Variants in GMIP observed in about 807,000 individuals in gnomAD.
GMIP encodes GEM-interacting protein.
A neutral mutation model predicts 105.3 loss-of-function variants in GMIP; 54 were observed. That is an observed-to-expected ratio of 0.51 (90% CI 0.41 to 0.64). The LOEUF is 0.64. GMIP is among the 30% of genes least tolerant of loss of function. GMIP has a pLI of 0.00. For missense variants in GMIP, 1,110 were observed against 1,319.4 expected (o/e 0.84, Z 2.46); for synonymous variants, 541 against 560.8 (o/e 0.96, Z 0.50).
Position 19,637,104 on chromosome 19 carries a change from A to T in GMIP, c.1125-75T>A. 4.1e-6 allele frequency: 4 copies of T among 974,670 alleles called. No individual in the cohort carries two copies. The South Asian group carries it at 5.8e-5, about 14-fold the overall frequency. The allele number at this position is 974,670 out of a possible 1,614,324, so 60.4% of individuals were successfully genotyped here. A position where few individuals can be genotyped will look rare whatever the true frequency, so the allele number is the denominator to read the frequency against. ...GTGATGGCACCCAGGCATCATGTCT[A>T]GGTACCAACTCCAAGCACTTGGGTC... On this transcript the variant is annotated intron_variant, in intron 11 of 20. Coordinates refer to ENST00000203556, the MANE Select transcript of GMIP (RefSeq NM_016573.4). This position sits in a 1 kb window ranked among gnomAD's most constrained non-coding sequence, Gnocchi z 6.7.
chr19:19,642,490 G>T, intron 2 of GMIP, 45 bp downstream of exon 2: 1 of 1,223,726 alleles, frequency 8.2e-7, no homozygotes, highest in Non-Finnish European at 1.2e-6. Flanking sequence ...TTAGGGGCTT[G>T]GGGCATCTTG....
chr19:19,641,533 C>G (rs1458443705), intron 4 of GMIP, among the ~76,000 whole-genome samples: 1 of 152,202 alleles, frequency 6.6e-6, no homozygotes, highest in African/African-American at 2.4e-5. Flanking sequence ...CACACACCAC[C>G]ACACCCAGCT....
chr19:19,643,152 G>A (rs2061941628), intron 1 of GMIP: 1 of 288,320 alleles, frequency 3.5e-6, no homozygotes. Flanking sequence ...GACCAGCACT[G>A]CCGACTCCCC....
In GMIP at chr19:19,637,414, G is replaced by A. The variant is rs1217624305; in HGVS notation, c.1075C>T (p.Pro359Ser). Residue 359 changes from proline (P) to serine (S), a missense_variant, in exon 11 of 21, where the codon CCC (proline) becomes TCC (serine). Physicochemically the swap from Pro to Ser is moderately conservative, Grantham distance 74. Around this residue, in one of 3 missense-constraint regions of GMIP, gnomAD observed 667 missense variants for 773.2 expected, o/e 0.86. Transcript: ENST00000203556. The surrounding 1 kb of genome is among the most constrained non-coding windows in gnomAD (Gnocchi z 6.7). Reference protein sequence around the residue: ...VRALRPEAPPPPPPAFSFQEF... With the variant: ...VRALRPEAPPSPPPAFSFQEF... ...TGGAAGGAGAAGGCGGGCGGCGGGG[G>A]CGGCGGGGCCTCGGGCCGCAGCGCC... 1.3e-6 allele frequency: 2 copies of A among 1,494,538 alleles called. No individual in the cohort carries two copies. The highest frequency in any genetic ancestry group is 1.8e-6 in the Non-Finnish European group (2 of 1,129,960). The allele number at this position is 1,494,538 out of a possible 1,614,324, so 92.6% of individuals were successfully genotyped here. A position where few individuals can be genotyped will look rare whatever the true frequency, so the allele number is the denominator to read the frequency against.
At chr19:19,632,227 G>C (rs1490365808) in intron 19 of GMIP, among the ~76,000 whole-genome samples, 1 of 152,094 alleles carries the variant, frequency 6.6e-6, no homozygotes, top group Non-Finnish European at 1.5e-5. Flanking sequence ...CCAGGAGGTG[G>C]AGGTTACGGT....
At position 19,637,551 on chromosome 19, in the gene GMIP, C is replaced by T; in HGVS notation, c.938G>A (p.Ser313Asn). 1 of 1,527,312 alleles carries T rather than the reference C, an allele frequency of 6.5e-7. No homozygotes were observed. The highest frequency in any genetic ancestry group is 8.8e-7 in the Non-Finnish European group (1 of 1,142,012). 94.6% of individuals were successfully genotyped at this position (1,527,312 alleles called of 1,614,324 possible). The change falls in exon 11 of 21, where the codon AGT (serine) becomes AAT (asparagine). Residue 313 changes from serine (S) to asparagine (N), a missense_variant. Physicochemically the swap from Ser to Asn is conservative, Grantham distance 46 (BLOSUM62 1). Coordinates refer to ENST00000203556, the MANE Select transcript of GMIP (RefSeq NM_016573.4). The surrounding 1 kb of genome is among the most constrained non-coding windows in gnomAD (Gnocchi z 6.7). ...GDEVLRRVTL[S>N]LFGLRGAQAE... ...CTGCGCCCCCCGCAGCCCGAAGAGA[C>T]TCAGCGTCACCTGCCGGGTGGAGAC...
Position 19,636,771 on chromosome 19 carries a change from G to A in GMIP, c.1263C>T (p.Ser421=), listed in dbSNP as rs754376316. 5.0e-6 allele frequency: 8 copies of A among 1,612,582 alleles called. No homozygotes were observed. Among genetic ancestry groups the A allele is most frequent in the East Asian group, 2.2e-5 (1 of 44,856 alleles). ...WQGTPGPTPG[S]DVDSVGGGSE... ...TGCCGCCACCCACGCTGTCCACATC[G>A]CTGCCCGGAGTGGGGCCTGGAGTCC... The change falls in exon 13 of 21, where the codon AGC becomes AGT. Residue 421 remains serine (S), a synonymous_variant. Transcript: ENST00000203556.
Position 19,634,622 on chromosome 19 carries a change from C to A in GMIP, c.1969G>T (p.Asp657Tyr). 6.2e-7 allele frequency: 1 copy of A among 1,613,402 alleles called. No homozygotes were observed. Among genetic ancestry groups the A allele is most frequent in the African/African-American group, 1.3e-5 (1 of 74,988 alleles). ...GGGCTGGGGCTGGGGGTCCCAGGGT[C>A]GTCCCCAGGGTCTGCATGCAAGGTC... ...AKTLHADPGDDPGTPSPSPEV... is the reference protein window; with the variant it reads ...AKTLHADPGDYPGTPSPSPEV... The change falls in exon 18 of 21, where the codon GAC becomes TAC. Residue 657 changes from aspartate to tyrosine, a missense_variant. By Grantham distance (160) the Asp-to-Tyr change is radical (BLOSUM62 -3). Around this residue, in one of 3 missense-constraint regions of GMIP, gnomAD observed 394 missense variants for 450.5 expected, o/e 0.87. Coordinates refer to ENST00000203556, the MANE Select transcript of GMIP (RefSeq NM_016573.4). The surrounding 1 kb of genome is among the most constrained non-coding windows in gnomAD (Gnocchi z 6.1).
In GMIP at chr19:19,634,185, G is replaced by A; in HGVS notation, c.2090C>T (p.Ala697Val). ...RHLVAHLFRV[A>V]ARFMENKMSA... ...CATCTTGTTTTCCATAAATCGTGCA[G>A]CCACCCTGGGGATGGTGTGAAGAGA... is the stretch of plus-strand genomic sequence containing the variant. Residue 697 changes from alanine (A) to valine (V), a missense_variant, in exon 19 of 21, where the codon GCT becomes GTT. This residue lies in a region of GMIP where 394 missense variants were observed against 450.5 expected (regional missense o/e 0.87). Coordinates refer to ENST00000203556, the MANE Select transcript of GMIP (RefSeq NM_016573.4). The surrounding 1 kb of genome is among the most constrained non-coding windows in gnomAD (Gnocchi z 6.1). The A allele has an allele frequency of 6.3e-7, 1 of 1,594,474 alleles. No individual in the cohort carries two copies. Among genetic ancestry groups the A allele is most frequent in the South Asian group, 1.1e-5 (1 of 89,442 alleles).
At position 19,635,761 on chromosome 19, in the gene GMIP, G is replaced by A; in HGVS notation, c.1328-40C>T. The A allele has an allele frequency of 6.4e-7, 1 of 1,556,196 alleles. No homozygotes were observed. Among genetic ancestry groups the A allele is most frequent in the Non-Finnish European group, 8.9e-7 (1 of 1,127,930 alleles). ...ATCATGGGAGATTCCTGGGCTATGG[G>A]AGGCACTCCTGGTTTTTAGGGCTTC... is the stretch of plus-strand genomic sequence containing the variant. On this transcript the variant is annotated intron_variant, in intron 13 of 20. Transcript: ENST00000203556. This position sits in a 1 kb window ranked among gnomAD's most constrained non-coding sequence, Gnocchi z 4.7.
chr19:19,637,794 G>GC lies in GMIP; in HGVS notation c.927+125_927+126insG. Reference sequence around the variant, plus strand: ...AGCCGAGACAGTGGGTCTGGGGGCGGGAACTGGCTGTCGAGGGAAATGGCC... The same window carrying GC: ...AGCCGAGACAGTGGGTCTGGGGGCGGCGAACTGGCTGTCGAGGGAAATGGCC... On this transcript the variant is annotated intron_variant, in intron 10 of 20. Coordinates refer to ENST00000203556, the MANE Select transcript of GMIP (RefSeq NM_016573.4). The surrounding 1 kb of genome is among the most constrained non-coding windows in gnomAD (Gnocchi z 6.7). The GC allele has an allele frequency of 9.3e-7, 1 of 1,078,356 alleles. No individual in the cohort carries two copies. Among genetic ancestry groups the GC allele is most frequent in the Non-Finnish European group, 1.3e-6 (1 of 751,392 alleles). 66.8% of individuals were successfully genotyped at this position (1,078,356 alleles called of 1,614,324 possible).
In GMIP at chr19:19,642,011, C is replaced by T; in HGVS notation, c.145G>A (p.Asp49Asn). 1 of 1,613,848 alleles carries T rather than the reference C, an allele frequency of 6.2e-7. No homozygotes were observed. Among genetic ancestry groups the T allele is most frequent in the Non-Finnish European group, 8.5e-7 (1 of 1,179,814 alleles). Residue 49 changes from aspartate (D) to asparagine (N), a missense_variant, in exon 3 of 21, where the codon GAC (aspartate) becomes AAC (asparagine). Asp to Asn is a conservative substitution (Grantham distance 23, BLOSUM62 1). Coordinates refer to ENST00000203556, the MANE Select transcript of GMIP (RefSeq NM_016573.4). ...GTAGGGGTCTTGTCAGGTTCTGGGT[C>T]TTCTGAGAGTAGAGGGTCTCCAGCC... ...MLAGDPLLSEDPEPDKTPTAT... is the reference protein window; with the variant it reads ...MLAGDPLLSENPEPDKTPTAT...
In GMIP at chr19:19,638,231, G is replaced by C; in HGVS notation, c.717C>G (p.Ala239=). The part of the protein sequence containing the change: ...ARSQGSPEDS[A]PQASPGPSKQ... Reference sequence around the variant, plus strand: ...TGCTAGGTCCCGGCGAGGCCTGGGGGGCCGAGTCCTCAGGGGACCCCTGGG... The same window carrying C: ...TGCTAGGTCCCGGCGAGGCCTGGGGCGCCGAGTCCTCAGGGGACCCCTGGG... The change falls in exon 9 of 21, where the codon GCC becomes GCG. Residue 239 remains alanine (A), a synonymous_variant. Transcript: ENST00000203556. The C allele has an allele frequency of 1.2e-6, 2 of 1,600,782 alleles. No individual in the cohort carries two copies. The highest frequency in any genetic ancestry group is 1.7e-6 in the Non-Finnish European group (2 of 1,178,778).
Position 19,643,604 on chromosome 19 carries a change from T to A in GMIP, c.-75A>T. On this transcript the variant is annotated 5_prime_UTR_variant, in exon 1 of 21. Transcript: ENST00000203556. ...CGCGCCGGCGGGGCCGAGCCCCGAT[T>A]TCCTGCCGCCGCAGCCGCCGCCGCC... 3 of 1,348,008 alleles carry A rather than the reference T, an allele frequency of 2.2e-6. No individual in the cohort carries two copies. The highest frequency in any genetic ancestry group is 3.0e-6 in the Non-Finnish European group (3 of 990,806). 83.5% of individuals were successfully genotyped at this position (1,348,008 alleles called of 1,614,324 possible).
In GMIP at chr19:19,638,151, G is replaced by A. The variant is rs1344128823; in HGVS notation, c.789+8C>T. 1 of 1,578,828 alleles carries A rather than the reference G, an allele frequency of 6.3e-7. No homozygotes were observed. The highest frequency in any genetic ancestry group is 1.1e-5 in the South Asian group (1 of 88,914). ...CAGCGCTACAGGGGCTCGGGGCCGGGTGCCCACCTTGGCCTGGGCCTCCTC... is the reference window on the plus strand; with the variant it reads ...CAGCGCTACAGGGGCTCGGGGCCGGATGCCCACCTTGGCCTGGGCCTCCTC... On this transcript the variant is annotated splice_region_variant and intron_variant, in intron 9 of 20. Coordinates refer to ENST00000203556, the MANE Select transcript of GMIP (RefSeq NM_016573.4).
chr19:19,632,354 CT>C (rs2061805452), intron 19 of GMIP, among the ~76,000 whole-genome samples: 1 of 151,960 alleles, frequency 6.6e-6, no homozygotes, highest in Non-Finnish European at 1.5e-5. Context: ...AATCCCAGCA[CT>C]TTGGGAGGCT....
chr19:19,640,676 G>A lies in GMIP; in HGVS notation c.239-105C>T, dbSNP rs1016559544. On this transcript the variant is annotated intron_variant, in intron 4 of 20. Coordinates refer to ENST00000203556, the MANE Select transcript of GMIP (RefSeq NM_016573.4). ...GTGGCACCTGTCCTACAGCCTCACA[G>A]CTCCCCAAACACTACTTTGGGATCA... The A allele has an allele frequency of 3.5e-6, 4 of 1,129,994 alleles. No individual in the cohort carries two copies. In the African/African-American group the frequency reaches 4.6e-5, roughly 13 times the overall value. 70.0% of individuals were successfully genotyped at this position (1,129,994 alleles called of 1,614,324 possible).
intron 7 of GMIP, among the ~76,000 whole-genome samples, chr19:19,639,628 T>C (rs1176305135): frequency 1.3e-5 from 2 of 151,996 alleles, no homozygotes; most frequent in Non-Finnish European, 2.9e-5. Context: ...GTAGGTGGAT[T>C]ACCTGAGGTC....
chr19:19,635,607 C>T lies in GMIP; in HGVS notation c.1405+37G>A. The T allele has an allele frequency of 6.2e-6, 10 of 1,613,760 alleles. No homozygotes were observed. Among genetic ancestry groups the T allele is most frequent in the Non-Finnish European group, 8.5e-6 (10 of 1,179,708 alleles). On this transcript the variant is annotated intron_variant, in intron 14 of 20. Transcript: ENST00000203556. This position sits in a 1 kb window ranked among gnomAD's most constrained non-coding sequence, Gnocchi z 4.7. ...AGGGTCAGGAGTGCCTGGTGCCCTG[C>T]CCTGTCCCATCCTGACCTACCCTGC...
Sources: gnomAD v4.1 joint callset for allele counts (sites outside exome capture counted in the v4.1 genomes callset) on GRCh38, gnomAD v4.1.1 for gene constraint, gnomAD v4.1.1 regional missense constraint, Gnocchi (gnomAD v3.1) non-coding constraint, MANE v1.5 for transcripts, NCBI Gene and HGNC (gene_info 2026-07-23, HGNC 2026-07-21) for gene names.